The following CAMKMT variants were observed in gnomAD, a reference collection of about 807,000 sequenced individuals.
The protein encoded by CAMKMT is calmodulin-lysine N-methyltransferase.
Under a neutral mutation model 48.0 loss-of-function variants are expected in CAMKMT, and 53 were observed. The observed-to-expected ratio is 1.10, with a 90% confidence interval of 0.89 to 1.39. CAMKMT has a LOEUF of 1.39. CAMKMT is among the 40% of genes most tolerant of loss of function. The pLI is 0.00. For missense variants in CAMKMT, 428 were observed against 402.7 expected, an observed-to-expected ratio of 1.06 and a Z score of -0.54; for synonymous variants, 165 against 152.3, an observed-to-expected ratio of 1.08 and a Z score of -0.61.
chr2:44,603,031 C>A (rs985797697), intron 3 of CAMKMT, among the ~76,000 whole-genome samples: 4 of 151,608 alleles, frequency 2.6e-5, no homozygotes, highest in African/African-American at 9.8e-5. Flanking sequence ...ATGTACCCAA[C>A]CTATATATAC....
intron 6 of CAMKMT, among the ~76,000 whole-genome samples, chr2:44,709,539 T>C (rs925521218): frequency 7.2e-5 from 11 of 152,198 alleles, no homozygotes; most frequent in African/African-American, 2.7e-4. Context: ...TTAATACTAA[T>C]GTTATTCTTG....
chr2:44,732,388 A>G (rs1419808651), intron 7 of CAMKMT, among the ~76,000 whole-genome samples: 1 of 152,252 alleles, frequency 6.6e-6, no homozygotes, highest in African/African-American at 2.4e-5. Context: ...AATAAAATGG[A>G]GAGAATATAA....
At chr2:44,381,901 A>G (rs915431010) in intron 2 of CAMKMT, among the ~76,000 whole-genome samples, 9 of 150,122 alleles carry the variant, frequency 6.0e-5, no homozygotes, top group South Asian at 2.1e-4. Flanking sequence ...TTGGATTTCA[A>G]TACTGTATTG....
intron 7 of CAMKMT, among the ~76,000 whole-genome samples, chr2:44,738,403 C>T (rs1396154479): frequency 6.6e-6 from 1 of 152,232 alleles, no homozygotes; most frequent in Non-Finnish European, 1.5e-5. Flanking sequence ...GTTACGCCAT[C>T]TTTGCTGGAA....
At chr2:44,573,024 C>T (rs1015574663) in intron 3 of CAMKMT, among the ~76,000 whole-genome samples, 2 of 151,262 alleles carry the variant, frequency 1.3e-5, no homozygotes, top group African/African-American at 2.4e-5. Flanking sequence ...GTAATCTTTT[C>T]GTGTGCTGCT....
At chr2:44,737,483 A>G (rs553169228) in intron 7 of CAMKMT, among the ~76,000 whole-genome samples, 1 of 152,316 alleles carries the variant, frequency 6.6e-6, no homozygotes, top group Admixed American at 6.5e-5. Context: ...CCAGAGCAGC[A>G]TTTAGTCTAG....
intron 3 of CAMKMT, among the ~76,000 whole-genome samples, chr2:44,451,600 A>G (rs1667289678): frequency 1.3e-5 from 2 of 152,174 alleles, no homozygotes; most frequent in Admixed American, 6.5e-5. Flanking sequence ...AATCAAAAGC[A>G]GTAACTACTA....
At chr2:44,574,411 G>T (rs935341609) in intron 3 of CAMKMT, among the ~76,000 whole-genome samples, 1 of 152,160 alleles carries the variant, frequency 6.6e-6, no homozygotes, top group Non-Finnish European at 1.5e-5. Context: ...GCAGATTTAG[G>T]CTGGCAGGAA....
intron 3 of CAMKMT, among the ~76,000 whole-genome samples, chr2:44,411,177 C>A (rs939742631): frequency 1.3e-5 from 2 of 152,112 alleles, no homozygotes; most frequent in Non-Finnish European, 2.9e-5. Context: ...ATAGACAAAA[C>A]CTTGTACATT....
At chr2:44,613,438 C>T (rs1163284923) in intron 3 of CAMKMT, among the ~76,000 whole-genome samples, 1 of 152,182 alleles carries the variant, frequency 6.6e-6, no homozygotes, top group South Asian at 2.1e-4. Context: ...GGACCCTCAT[C>T]TAGTGCCAGG....
Position 44,543,777 on chromosome 2 carries a change from T to G in CAMKMT, c.376+153472T>G, listed in dbSNP as rs973687108. 6.6e-5 allele frequency among the ~76,000 whole-genome samples: 10 copies of G among 152,226 alleles called. No homozygotes were observed. The South Asian group carries it at 2.1e-3, about 32-fold the overall frequency. On this transcript the variant is annotated intron_variant, in intron 3 of 10. Transcript: ENST00000378494. ...CATAGTTGATGTAATGTAGTAATCA[T>G]GTATTTTATTTCTCTGGAAATTGTA...
At chr2:44,425,729 A>G (rs575280081) in intron 3 of CAMKMT, among the ~76,000 whole-genome samples, 31 of 149,434 alleles carry the variant, frequency 2.1e-4, no homozygotes, top group Admixed American at 2.0e-3. Flanking sequence ...GTAGTATTCT[A>G]TCTTTTTTTT....
chr2:44,594,490 G>C (rs1459601310), intron 3 of CAMKMT, among the ~76,000 whole-genome samples: 1 of 152,002 alleles, frequency 6.6e-6, no homozygotes, highest in African/African-American at 2.4e-5. Flanking sequence ...CAAAACAGAG[G>C]CCTCAGAAAT....
chr2:44,599,330 C>G (rs895013762), intron 3 of CAMKMT, among the ~76,000 whole-genome samples: 24 of 152,206 alleles, frequency 1.6e-4, no homozygotes, highest in African/African-American at 5.8e-4. Flanking sequence ...CTGAAGGGCT[C>G]CAGTAACACT....
intron 6 of CAMKMT, among the ~76,000 whole-genome samples, chr2:44,708,233 T>TTTTG: frequency 6.8e-6 from 1 of 146,668 alleles, no homozygotes; most frequent in Admixed American, 6.8e-5. Flanking sequence ...TTTTTTTTTT[T>TTTTG]TTTGGTGTGC....
intron 3 of CAMKMT, among the ~76,000 whole-genome samples, chr2:44,595,854 A>C (rs1273584822): frequency 1.3e-5 from 2 of 152,126 alleles, no homozygotes; most frequent in African/African-American, 4.8e-5. Flanking sequence ...TGAAGCTGGA[A>C]ACCATCATTC....
chr2:44,418,095 G>A (rs1043209929), intron 3 of CAMKMT, among the ~76,000 whole-genome samples: 1 of 151,990 alleles, frequency 6.6e-6, no homozygotes, highest in African/African-American at 2.4e-5. Context: ...TGGAGGCTGA[G>A]GCGGGAGAAT....
At chr2:44,507,037 AC>A (rs1670296302) in intron 3 of CAMKMT, among the ~76,000 whole-genome samples, 1 of 151,450 alleles carries the variant, frequency 6.6e-6, no homozygotes, top group Non-Finnish European at 1.5e-5. Flanking sequence ...AATATTATTT[AC>A]CTGTTCATTT....
chr2:44,694,690 T>G (rs1676842830), intron 3 of CAMKMT, among the ~76,000 whole-genome samples: 1 of 152,238 alleles, frequency 6.6e-6, no homozygotes, highest in Non-Finnish European at 1.5e-5. Context: ...GACAGCTGTT[T>G]TAGTGTTGGC....
Sources: gnomAD v4.1 joint callset for allele counts (sites outside exome capture counted in the v4.1 genomes callset) on GRCh38, gnomAD v4.1.1 for gene constraint, MANE v1.5 for transcripts, NCBI Gene and HGNC (gene_info 2026-07-23, HGNC 2026-07-21) for gene names.